The following SLCO4C1 variants were observed in gnomAD, a reference collection of about 807,000 sequenced individuals.
SLCO4C1 encodes the protein organic anion transporter M1.
SLCO4C1 carries 58 observed loss-of-function variants against 72.1 expected under a neutral mutation model. The ratio of observed to expected loss-of-function variants is 0.80; its 90% CI spans 0.65 to 1.00. SLCO4C1 has a LOEUF of 1.00. SLCO4C1 is among the 50% of genes least tolerant of loss of function. SLCO4C1 has a pLI of 0.00. For missense variants in SLCO4C1, 898 were observed against 857.9 expected (o/e 1.05, Z -0.58); for synonymous variants, 297 against 312.5 (o/e 0.95, Z 0.52).
chr5:102,285,818 T>TA, intron 2 of SLCO4C1, among the ~76,000 whole-genome samples: 1 of 152,026 alleles, frequency 6.6e-6, no homozygotes, highest in East Asian at 1.9e-4. Context: ...TACAAAGAAG[T>TA]AAAATTTAAG....
At position 102,254,877 on chromosome 5, in the gene SLCO4C1, C is replaced by T. The variant is rs149167306; in HGVS notation, c.1469+2238G>A. Among the ~76,000 whole-genome samples, 12 of 152,198 alleles carry T rather than the reference C, an allele frequency of 7.9e-5. No homozygotes were observed. In the East Asian group the frequency reaches 2.3e-3, roughly 29 times the overall value. On this transcript the variant is annotated intron_variant, in intron 8 of 12. Transcript: ENST00000310954. ...TTTATTTTGGTGGTCTGGAAGCAAA[C>T]CCACAATATCCTCAACATATGCCTG... is the stretch of plus-strand genomic sequence containing the variant.
rs1490346130 is a variant in SLCO4C1 at position 102,234,725 on chromosome 5, T to C, written c.*2133A>G. On this transcript the variant is annotated 3_prime_UTR_variant, in exon 13 of 13. Transcript: ENST00000310954. Reference sequence around the variant, plus strand: ...CTCCATCAGTGAGTTCCTCAGGATTTGCCTTTATGTTACAACTATGAAAGT... The same window carrying C: ...CTCCATCAGTGAGTTCCTCAGGATTCGCCTTTATGTTACAACTATGAAAGT... 6.6e-6 allele frequency: 1 copy of C among 152,236 alleles called. No individual in the cohort carries two copies. Among genetic ancestry groups the C allele is most frequent in the Non-Finnish European group, 1.5e-5 (1 of 68,052 alleles). 9.4% of individuals were successfully genotyped at this position (152,236 alleles called of 1,614,324 possible).
chr5:102,257,461 G>T, intron 7 of SLCO4C1, 151 bp from the exon 8 acceptor site: 1 of 539,624 alleles, frequency 1.9e-6, no homozygotes. Flanking sequence ...TGACTTAAAG[G>T]TCCATCAAGT....
intron 2 of SLCO4C1, among the ~76,000 whole-genome samples, chr5:102,272,130 G>C (rs1196555708): frequency 6.6e-6 from 1 of 152,164 alleles, no homozygotes; most frequent in Non-Finnish European, 1.5e-5. Flanking sequence ...GCTGTGAAGT[G>C]CTAAGTTAAT....
Position 102,236,865 on chromosome 5 carries a change from T to C in SLCO4C1, c.2168A>G (p.Glu723Gly). 1 of 1,611,458 alleles carries C rather than the reference T, an allele frequency of 6.2e-7. No homozygotes were observed. The highest frequency in any genetic ancestry group is 1.1e-5 in the South Asian group (1 of 90,116). Reference sequence around the variant, plus strand: ...GTCTTCTCTTTTCCCATTTCACCCTTCTTTTACTATTTTGTTGAGATCCTG... The same window carrying C: ...GTCTTCTCTTTTCCCATTTCACCCTCCTTTTACTATTTTGTTGAGATCCTG... Reference protein sequence around the residue: ...AEQDLNKIVKEG With the variant: ...AEQDLNKIVKGG The change falls in exon 13 of 13, where the codon GAA becomes GGA. Residue 723 changes from glutamate to glycine, a missense_variant. Transcript: ENST00000310954.
chr5:102,277,482 T>C (rs188699756), intron 2 of SLCO4C1, among the ~76,000 whole-genome samples: 1 of 152,064 alleles, frequency 6.6e-6, no homozygotes, highest in Non-Finnish European at 1.5e-5. Context: ...ACTTACACTG[T>C]AGTCTAGTTG....
At chr5:102,289,280 TA>T (rs773870352) in intron 2 of SLCO4C1, among the ~76,000 whole-genome samples, 26 of 152,228 alleles carry the variant, frequency 1.7e-4, no homozygotes, top group Non-Finnish European at 3.8e-4. Flanking sequence ...ACAAACACCT[TA>T]ATTTGTGGCA....
intron 1 of SLCO4C1, among the ~76,000 whole-genome samples, chr5:102,293,695 A>C (rs771495795): frequency 5.8e-4 from 89 of 152,306 alleles, no homozygotes; most frequent in Admixed American, 3.7e-3. Context: ...TTCAAACTTA[A>C]ACTGAAACGT....
rs1382443942 is a variant in SLCO4C1 at position 102,260,276 on chromosome 5, C to T, written c.1065G>A (p.Gln355=). ...ATTTCACATCTGCATTACTATTACT[C>T]TGATGAGCCTGGGAAGTTTTTCCAG... ...IQAGKTSQAH[Q]SNSNADVKFG... is the part of the protein sequence containing the mutation. The change falls in exon 6 of 13, where the codon CAG becomes CAA. Residue 355 remains glutamine (Q), a synonymous_variant. Transcript: ENST00000310954. The T allele has an allele frequency of 1.4e-6, 2 of 1,389,516 alleles. No individual in the cohort carries two copies. 86.1% of individuals were successfully genotyped at this position (1,389,516 alleles called of 1,614,324 possible).
chr5:102,261,666 T>C (rs1443181043), intron 5 of SLCO4C1, among the ~76,000 whole-genome samples: 1 of 151,950 alleles, frequency 6.6e-6, no homozygotes, highest in African/African-American at 2.4e-5. Flanking sequence ...AGAAACAAAT[T>C]TATTAAGTAC....
At chr5:102,281,947 T>C (rs771819056) in intron 2 of SLCO4C1, among the ~76,000 whole-genome samples, 14 of 152,138 alleles carry the variant, frequency 9.2e-5, no homozygotes, top group Non-Finnish European at 1.9e-4. Context: ...CACAAAAATC[T>C]GCACACTAAT....
chr5:102,243,518 A>C (rs1748584444), intron 10 of SLCO4C1, among the ~76,000 whole-genome samples: 2 of 152,200 alleles, frequency 1.3e-5, no homozygotes, highest in African/African-American at 4.8e-5. Context: ...AGACTGCAAA[A>C]ACCACAGCAT....
intron 2 of SLCO4C1, among the ~76,000 whole-genome samples, chr5:102,288,652 A>G (rs1321384240): frequency 6.6e-6 from 1 of 152,168 alleles, no homozygotes; most frequent in African/African-American, 2.4e-5. Flanking sequence ...TCTCCAAAAC[A>G]GCCTCCCTTG....
At chr5:102,258,172 A>G in intron 6 of SLCO4C1, 85 bp from the exon 7 acceptor site, 1 of 1,059,364 alleles carries the variant, frequency 9.4e-7, no homozygotes, top group Non-Finnish European at 1.3e-6. Flanking sequence ...TGATGAAATA[A>G]CAAAATTTTA....
intron 3 of SLCO4C1, 21 bp downstream of exon 3, chr5:102,270,603 C>G (rs750599550): frequency 1.3e-5 from 21 of 1,566,792 alleles, no homozygotes; most frequent in African/African-American, 5.5e-5. Flanking sequence ...GATACTGAGA[C>G]AGTTTAGAGA....
intron 2 of SLCO4C1, among the ~76,000 whole-genome samples, chr5:102,281,035 G>A (rs1234215484): frequency 1.3e-5 from 2 of 152,120 alleles, no homozygotes; most frequent in African/African-American, 2.4e-5. Context: ...ACAATGAAGT[G>A]AGAGCAATGT....
intron 4 of SLCO4C1, 38 bp downstream of exon 4, chr5:102,263,646 A>C (rs1431317034): frequency 6.6e-7 from 1 of 1,521,916 alleles, no homozygotes; most frequent in Non-Finnish European, 9.1e-7. Context: ...ATTAAAATAA[A>C]ATGACTTTAA....
intron 1 of SLCO4C1, 100 bp from the exon 2 acceptor site, chr5:102,291,706 TCTTA>T (rs1561383487): frequency 1.1e-6 from 1 of 936,622 alleles, no homozygotes; most frequent in Non-Finnish European, 1.4e-6. Flanking sequence ...TTCTTTTTTT[TCTTA>T]AAATGTACCA....
chr5:102,263,834 A>G, intron 3 of SLCO4C1, 54 bp from the exon 4 acceptor site: 1 of 1,332,302 alleles, frequency 7.5e-7, no homozygotes, highest in South Asian at 1.2e-5. Flanking sequence ...TTCACTTTGC[A>G]TATCTAACAG....
Sources: gnomAD v4.1 joint callset for allele counts (sites outside exome capture counted in the v4.1 genomes callset) on GRCh38, gnomAD v4.1.1 for gene constraint, MANE v1.5 for transcripts, NCBI Gene and HGNC (gene_info 2026-07-23, HGNC 2026-07-21) for gene names.